Variants in UBN2 observed in about 807,000 individuals in gnomAD.
UBN2 encodes ubinuclein-2.
Under a neutral mutation model 120.2 loss-of-function variants are expected in UBN2, and 35 were observed. That is an observed-to-expected ratio of 0.29 (90% CI 0.22 to 0.39). The LOEUF (loss-of-function observed/expected upper bound fraction) is 0.39. Among genes scored for constraint, UBN2 ranks in the 10% least tolerant of loss-of-function variants. The probability of loss-of-function intolerance (pLI) is 1.00; values close to 1 mark genes in which losing one functional copy is unlikely to be tolerated. For missense variants in UBN2, 1,693 were observed against 1,663.2 expected (o/e 1.02, Z -0.31); for synonymous variants, 661 against 648.7 (o/e 1.02, Z -0.29).
chr7:139,292,252 CA>C (rs895537330), intron 15 of UBN2, among the ~76,000 whole-genome samples: 23 of 150,716 alleles, frequency 1.5e-4, no homozygotes, highest in Admixed American at 2.0e-4. Flanking sequence ...GACCCTGTCT[CA>C]AAAAAAAGGG....
At chr7:139,275,962 CT>C in intron 11 of UBN2, 134 bp from the exon 12 acceptor site, 1 of 696,064 alleles carries the variant, frequency 1.4e-6, no homozygotes, top group East Asian at 2.8e-5. Context: ...ATTGAGTATA[CT>C]GTACCATTAT....
At chr7:139,262,687 C>G (rs1796974799) in intron 6 of UBN2, among the ~76,000 whole-genome samples, 1 of 148,008 alleles carries the variant, frequency 6.8e-6, no homozygotes, top group South Asian at 2.1e-4. Context: ...GCACTCCATC[C>G]TGGGTGACAG....
chr7:139,283,991 C>A lies in UBN2; in HGVS notation c.3086C>A (p.Ser1029Tyr). The A allele has an allele frequency of 6.2e-7, 1 of 1,614,134 alleles. No individual in the cohort carries two copies. The highest frequency in any genetic ancestry group is 8.5e-7 in the Non-Finnish European group (1 of 1,180,030). ...CAGATCTCCACGCAGGGTTTCAAAT[C>A]TCCCTTCTCGATGGCTGCCTCCCCA... ...VSQISTQGFK[S>Y]PFSMAASPKL... Residue 1029 changes from serine (S) to tyrosine (Y), a missense_variant, in exon 15 of 18, where the codon TCT becomes TAT. Ser to Tyr is a moderately radical substitution (Grantham distance 144). This residue lies in a region of UBN2 where 837 missense variants were observed against 817.6 expected (regional missense o/e 1.02). Transcript: ENST00000473989.
chr7:139,286,161 C>T (rs1221314129), intron 15 of UBN2, among the ~76,000 whole-genome samples: 1 of 152,194 alleles, frequency 6.6e-6, no homozygotes, highest in Non-Finnish European at 1.5e-5. Flanking sequence ...CTCCTGACCC[C>T]AGTTGATCTG....
intron 2 of UBN2, among the ~76,000 whole-genome samples, chr7:139,246,406 C>T (rs1375130422): frequency 1.3e-5 from 2 of 152,036 alleles, no homozygotes; most frequent in Non-Finnish European, 2.9e-5. Context: ...TTAAGACATT[C>T]ATTATGTTTA....
intron 3 of UBN2, among the ~76,000 whole-genome samples, chr7:139,253,647 A>G (rs1193184728): frequency 6.6e-6 from 1 of 152,188 alleles, no homozygotes; most frequent in East Asian, 1.9e-4. Flanking sequence ...ACAAAAGGAA[A>G]AGGAATTTAG....
intron 3 of UBN2, among the ~76,000 whole-genome samples, chr7:139,255,288 C>T (rs1796727547): frequency 6.6e-6 from 1 of 152,030 alleles, no homozygotes; most frequent in Non-Finnish European, 1.5e-5. Context: ...CCATAATTGG[C>T]TTATATATCA....
In UBN2 at chr7:139,275,366, G is replaced by A. The variant is rs10215299; in HGVS notation, c.1974-731G>A. Reference sequence around the variant, plus strand: ...TGGGAGGCCAAGGAGGGTGGATCACGAGGTCAGGAGATTGAGACCATCCTG... The same window carrying A: ...TGGGAGGCCAAGGAGGGTGGATCACAAGGTCAGGAGATTGAGACCATCCTG... On this transcript the variant is annotated intron_variant, in intron 11 of 17. Coordinates refer to ENST00000473989, the MANE Select transcript of UBN2 (RefSeq NM_173569.4). Among the ~76,000 whole-genome samples, 991 of 150,524 alleles carry A rather than the reference G, an allele frequency of 6.6e-3. 4 individuals are homozygous for A. Among genetic ancestry groups the A allele is most frequent in the Middle Eastern group, 0.011 (3 of 284 alleles).
chr7:139,296,587 G>A (rs1427180135), intron 17 of UBN2, among the ~76,000 whole-genome samples: 1 of 152,100 alleles, frequency 6.6e-6, no homozygotes, highest in Non-Finnish European at 1.5e-5. Flanking sequence ...TATTCTGTTG[G>A]CTTTCCAAGT....
chr7:139,267,893 C>G (rs1159691300), intron 7 of UBN2, among the ~76,000 whole-genome samples: 1 of 152,194 alleles, frequency 6.6e-6, no homozygotes, highest in African/African-American at 2.4e-5. Context: ...CTCCTTTTAC[C>G]TAGCTCCCTT....
At chr7:139,245,545 T>C (rs1244371396) in intron 2 of UBN2, among the ~76,000 whole-genome samples, 3 of 152,224 alleles carry the variant, frequency 2.0e-5, no homozygotes, top group African/African-American at 7.2e-5. Context: ...TAGACATAGA[T>C]GTTCCTAAAT....
rs1321619310 is a variant in UBN2, at chr7:139,293,480, T to C, written c.3901+17T>C. The C allele has an allele frequency of 1.9e-6, 3 of 1,610,282 alleles. No homozygotes were observed. Among genetic ancestry groups the C allele is most frequent in the Middle Eastern group, 3.3e-4 (2 of 6,060 alleles). ...TAACTCAGAGTAAGTGGGGCTCTTC[T>C]ATTTGGTTGGGCTGTCTAGCTTGAC... is the stretch of plus-strand genomic sequence containing the variant. On this transcript the variant is annotated intron_variant, in intron 16 of 17. Transcript: ENST00000473989.
chr7:139,232,244 C>G (rs1283979775), intron 1 of UBN2, among the ~76,000 whole-genome samples: 1 of 152,276 alleles, frequency 6.6e-6, no homozygotes, highest in Non-Finnish European at 1.5e-5. Context: ...CTCAGATTTT[C>G]CTTCTTTCCT....
chr7:139,255,631 GT>G (rs535785905), intron 3 of UBN2, among the ~76,000 whole-genome samples: 1 of 149,762 alleles, frequency 6.7e-6, no homozygotes, highest in Non-Finnish European at 1.5e-5. Context: ...CATATTATTT[GT>G]TTTTTTTTAA....
At chr7:139,273,175 A>G (rs1487538915) in intron 9 of UBN2, 122 bp from the exon 10 acceptor site, 2 of 530,274 alleles carry the variant, frequency 3.8e-6, no homozygotes, top group East Asian at 3.1e-5. Flanking sequence ...GTGGAAAGGT[A>G]GATTCCGTCT....
At chr7:139,291,968 G>T (rs1366683262) in intron 15 of UBN2, among the ~76,000 whole-genome samples, 1 of 152,160 alleles carries the variant, frequency 6.6e-6, no homozygotes, top group Non-Finnish European at 1.5e-5. Flanking sequence ...GAATGTATTT[G>T]CCAGGCATTC....
At chr7:139,285,555 G>T (rs1382188420) in intron 15 of UBN2, among the ~76,000 whole-genome samples, 1 of 151,956 alleles carries the variant, frequency 6.6e-6, no homozygotes, top group Non-Finnish European at 1.5e-5. Flanking sequence ...TTCTCTTTTT[G>T]TTCCGTTATC....
At chr7:139,293,830 G>C in intron 16 of UBN2, 59 bp from the exon 17 acceptor site, 2 of 1,524,294 alleles carry the variant, frequency 1.3e-6, no homozygotes, top group South Asian at 2.3e-5. Flanking sequence ...TTTCATTTTT[G>C]AACTAAAAGG....
intron 2 of UBN2, among the ~76,000 whole-genome samples, chr7:139,243,797 CTATT>C (rs1796387553): frequency 6.6e-6 from 1 of 152,142 alleles, no homozygotes; most frequent in Admixed American, 6.5e-5. Context: ...TGGCAAAAAT[CTATT>C]TATAAGTGGA....
Sources: allele counts gnomAD v4.1 joint callset (sites outside exome capture counted in the v4.1 genomes callset), GRCh38; gene constraint gnomAD v4.1.1; regional missense constraint gnomAD v4.1.1; transcripts MANE v1.5; gene names NCBI Gene and HGNC (gene_info 2026-07-23, HGNC 2026-07-21).